Variants in C10orf90 observed in about 807,000 individuals in gnomAD.
C10orf90 encodes (E2-independent) E3 ubiquitin-conjugating enzyme FATS.
C10orf90 carries 56 observed loss-of-function variants against 62.5 expected under a neutral mutation model. The observed-to-expected ratio is 0.90, with a 90% confidence interval of 0.72 to 1.12. The LOEUF is 1.12. Among genes scored for constraint, C10orf90 ranks in the 50% most tolerant of loss-of-function variants. C10orf90 has a pLI of 0.00. For synonymous variants in C10orf90, 386 were observed against 340.4 expected, an observed-to-expected ratio of 1.13 and a Z score of -1.47; for missense variants, 970 against 880.4, an observed-to-expected ratio of 1.10 and a Z score of -1.29.
intron 2 of C10orf90, among the ~76,000 whole-genome samples, chr10:126,553,146 G>A (rs1008205763): frequency 6.6e-6 from 1 of 151,778 alleles, no homozygotes; most frequent in African/African-American, 2.4e-5. Context: ...CTGATTTTAA[G>A]AGAAAAAAGG....
rs776951471 is a variant in C10orf90, at chr10:126,670,533, T to C, written c.-53A>G. On this transcript the variant is annotated 5_prime_UTR_variant, in exon 1 of 10. Coordinates refer to ENST00000488181, the MANE Select transcript of C10orf90 (RefSeq NM_001350921.2). Reference sequence around the variant, plus strand: ...AGTGAGACTGGCAAACACAATTTTCTTTGTTTAACCCAGGTATTGAGTGCA... The same window carrying C: ...AGTGAGACTGGCAAACACAATTTTCCTTGTTTAACCCAGGTATTGAGTGCA... The C allele has an allele frequency of 2.3e-4, 103 of 449,192 alleles. 1 individual carries two copies. In the Middle Eastern group the frequency reaches 9.5e-3, roughly 41 times the overall value. The allele number at this position is 449,192 out of a possible 1,614,324, so 27.8% of individuals were successfully genotyped here.
rs748546326 is a variant in C10orf90, at chr10:126,531,173, G to GAA, written c.314-17236_314-17235dup. On this transcript the variant is annotated intron_variant, in intron 2 of 9. Transcript: ENST00000488181. The stretch of plus-strand genomic sequence containing the variant: ...TGGCCAAAAGAGTGAGACTCCATCT[G>GAA]AAAAAAAAAAAAAAGAAAGAAAAAA... Among the ~76,000 whole-genome samples the GAA allele has an allele frequency of 1.1e-3, 131 of 116,500 alleles. 2 individuals carry two copies. In the East Asian group the frequency reaches 0.025, roughly 22 times the overall value. The allele number at this position is 116,500 out of a possible 152,430, so 76.4% of individuals were successfully genotyped here. A position where few individuals can be genotyped will look rare whatever the true frequency, so the allele number is the denominator to read the frequency against.
At chr10:126,614,413 T>TC (rs1169339868) in intron 2 of C10orf90, among the ~76,000 whole-genome samples, 2 of 152,140 alleles carry the variant, frequency 1.3e-5, no homozygotes, top group Non-Finnish European at 2.9e-5. Context: ...AGAACAGCCT[T>TC]CAGTGGATTC....
intron 2 of C10orf90, among the ~76,000 whole-genome samples, chr10:126,615,956 C>T (rs1241312014): frequency 6.6e-6 from 1 of 152,220 alleles, no homozygotes. Flanking sequence ...CACTGGTGTC[C>T]AAGGTCTAGG....
chr10:126,591,855 G>C (rs955367407), intron 2 of C10orf90, among the ~76,000 whole-genome samples: 6 of 152,040 alleles, frequency 3.9e-5, no homozygotes, highest in Admixed American at 3.9e-4. Context: ...CAAAGTCTCA[G>C]GATACAAAAT....
chr10:126,561,034 C>A (rs768028192), intron 2 of C10orf90, among the ~76,000 whole-genome samples: 1 of 152,132 alleles, frequency 6.6e-6, no homozygotes, highest in Non-Finnish European at 1.5e-5. Flanking sequence ...TGAAACCAAA[C>A]TCTCACAGGT....
intron 7 of C10orf90, among the ~76,000 whole-genome samples, chr10:126,432,987 T>G (rs1857679455): frequency 6.6e-6 from 1 of 152,196 alleles, no homozygotes. Flanking sequence ...ATGACCACAG[T>G]GGCTCTTCAG....
chr10:126,643,938 G>A (rs1198463614), intron 2 of C10orf90, among the ~76,000 whole-genome samples: 4 of 152,202 alleles, frequency 2.6e-5, no homozygotes, highest in Non-Finnish European at 5.9e-5. Flanking sequence ...ACAGGTGGCT[G>A]CTTAGCCCTC....
At chr10:126,461,702 A>G in intron 5 of C10orf90, 117 bp from the exon 6 acceptor site, 1 of 1,033,778 alleles carries the variant, frequency 9.7e-7, no homozygotes, top group South Asian at 1.5e-5. Context: ...TGGACTATTA[A>G]TGGGCCTCGT....
At chr10:126,564,843 T>TATTA (rs369087080) in intron 2 of C10orf90, among the ~76,000 whole-genome samples, 281 of 3,566 alleles carry the variant, frequency 0.079, 75 homozygotes, top group South Asian at 0.15. Flanking sequence ...TATATATATA[T>TATTA]TATATATTAT....
intron 1 of C10orf90, 41 bp downstream of exon 1, chr10:126,670,200 G>A (rs1846720006): frequency 4.4e-6 from 2 of 451,824 alleles, no homozygotes; most frequent in Middle Eastern, 3.3e-4. Context: ...CTCTCTCTGA[G>A]TCAAGCGTGT....
intron 2 of C10orf90, among the ~76,000 whole-genome samples, chr10:126,552,109 A>C (rs928176906): frequency 5.9e-5 from 9 of 152,226 alleles, no homozygotes; most frequent in African/African-American, 2.2e-4. Context: ...AAGTTCAGTT[A>C]ATCTTTTATT....
chr10:126,606,166 C>A (rs902915193), intron 2 of C10orf90, among the ~76,000 whole-genome samples: 4 of 152,186 alleles, frequency 2.6e-5, no homozygotes, highest in African/African-American at 9.7e-5. Context: ...GTCCATGAAG[C>A]AACTTCCAAG....
intron 2 of C10orf90, among the ~76,000 whole-genome samples, chr10:126,585,815 A>G (rs1264328546): frequency 6.6e-6 from 1 of 151,964 alleles, no homozygotes; most frequent in African/African-American, 2.4e-5. Flanking sequence ...TGGTTCTCCA[A>G]GTGGAGTTCC....
intron 2 of C10orf90, among the ~76,000 whole-genome samples, chr10:126,526,578 T>C (rs1364928855): frequency 6.6e-6 from 1 of 152,142 alleles, no homozygotes; most frequent in Non-Finnish European, 1.5e-5. Flanking sequence ...TATTGAGATA[T>C]AATTTACAAG....
intron 2 of C10orf90, among the ~76,000 whole-genome samples, chr10:126,646,267 G>GAGCCCTGCTGC (rs1414180438): frequency 6.6e-6 from 1 of 152,120 alleles, no homozygotes; most frequent in East Asian, 1.9e-4. Flanking sequence ...ATCCCTGATG[G>GAGCCCTGCTGC]AGCCCTGCTG....
intron 2 of C10orf90, among the ~76,000 whole-genome samples, chr10:126,535,146 C>CAT (rs1864197725): frequency 6.6e-6 from 1 of 151,948 alleles, no homozygotes; most frequent in Non-Finnish European, 1.5e-5. Context: ...CACACACATA[C>CAT]ATATATATAC....
intron 2 of C10orf90, among the ~76,000 whole-genome samples, chr10:126,577,429 T>C (rs1489426441): frequency 7.9e-5 from 12 of 152,022 alleles, no homozygotes; most frequent in Non-Finnish European, 1.5e-5. Flanking sequence ...AATCTTATTT[T>C]AATAACATTT....
chr10:126,573,134 C>A (rs1485730110), intron 2 of C10orf90, among the ~76,000 whole-genome samples: 2 of 152,158 alleles, frequency 1.3e-5, no homozygotes, highest in Admixed American at 6.5e-5. Context: ...CCCAAGTGAG[C>A]AATTCCTGTC....
Sources: allele counts gnomAD v4.1 joint callset (sites outside exome capture counted in the v4.1 genomes callset), GRCh38; gene constraint gnomAD v4.1.1; transcripts MANE v1.5; gene names NCBI Gene and HGNC (gene_info 2026-07-23, HGNC 2026-07-21).